LRRTM4: variants seen among roughly 807,000 people sequenced by gnomAD.
LRRTM4 encodes the protein leucine rich repeat transmembrane neuronal 4.
Under a neutral mutation model 47.6 loss-of-function variants are expected in LRRTM4, and 25 were observed. The observed-to-expected ratio is 0.53, with a 90% CI of 0.38 to 0.73. The LOEUF (loss-of-function observed/expected upper bound fraction) is 0.73, where lower values mean the gene tolerates loss of function less well. LRRTM4 is among the 30% of genes least tolerant of loss of function. LRRTM4 has a pLI of 0.00. For synonymous variants in LRRTM4, 311 were observed against 269.5 expected (o/e 1.15, Z -1.51); for missense variants, 638 against 713.4 (o/e 0.89, Z 1.20).
intron 3 of LRRTM4, among the ~76,000 whole-genome samples, chr2:77,238,527 T>A (rs1453964851): frequency 3.3e-5 from 5 of 149,342 alleles, no homozygotes; most frequent in Non-Finnish European, 2.9e-5. Flanking sequence ...CCCTCTTTCC[T>A]CAAACCACAC....
intron 3 of LRRTM4, among the ~76,000 whole-genome samples, chr2:76,964,728 CAATT>C (rs1328865961): frequency 2.0e-5 from 3 of 147,542 alleles, no homozygotes; most frequent in South Asian, 2.1e-4. Flanking sequence ...AGAACAGAAA[CAATT>C]AAAACTGGAA....
intron 3 of LRRTM4, among the ~76,000 whole-genome samples, chr2:76,886,568 ATATTT>A (rs1397338073): frequency 1.4e-4 from 21 of 152,224 alleles, no homozygotes; most frequent in African/African-American, 4.1e-4. Context: ...TAAAGATGAC[ATATTT>A]TATTACCTGG....
intron 3 of LRRTM4, among the ~76,000 whole-genome samples, chr2:77,453,199 TGAGATA>T (rs1221365657): frequency 7.0e-6 from 1 of 143,378 alleles, no homozygotes; most frequent in African/African-American, 2.7e-5. Context: ...TTTTTTTTTT[TGAGATA>T]GAGTCTCGCT....
At chr2:76,767,555 C>T (rs1673504937) in intron 3 of LRRTM4, among the ~76,000 whole-genome samples, 1 of 151,036 alleles carries the variant, frequency 6.6e-6, no homozygotes, top group Admixed American at 6.6e-5. Context: ...AGAAATAAAC[C>T]ACTCTATAAT....
chr2:77,427,462 C>A (rs1558738667), intron 3 of LRRTM4, among the ~76,000 whole-genome samples: 2 of 152,126 alleles, frequency 1.3e-5, no homozygotes, highest in Non-Finnish European at 2.9e-5. Flanking sequence ...CCTATAAGGA[C>A]ATGTTTGCTA....
rs185569523 is a variant in LRRTM4, at chr2:77,071,944, A to C, written c.1552-323028T>G. Among the ~76,000 whole-genome samples the C allele has an allele frequency of 2.7e-3, 415 of 152,280 alleles. 1 individual carries two copies. The highest frequency in any genetic ancestry group is 5.0e-3 in the Admixed American group (76 of 15,292). ...ATCGGGCTAGTGGGTGGTATAAAGT[A>C]TGAGAATTAATAATATTTTTTGACT... On this transcript the variant is annotated intron_variant, in intron 3 of 3. Coordinates refer to ENST00000409884, the MANE Select transcript of LRRTM4 (RefSeq NM_001134745.3).
At chr2:76,887,480 G>C (rs752535606) in intron 3 of LRRTM4, among the ~76,000 whole-genome samples, 21 of 149,754 alleles carry the variant, frequency 1.4e-4, no homozygotes, top group Non-Finnish European at 2.8e-4. Flanking sequence ...AACATTTAGT[G>C]CCTTTATTTT....
intron 3 of LRRTM4, among the ~76,000 whole-genome samples, chr2:76,912,603 C>T (rs1282072682): frequency 1.3e-5 from 2 of 152,100 alleles, no homozygotes; most frequent in Non-Finnish European, 1.5e-5. Context: ...AAATTGATAT[C>T]GTAGGGCCTG....
intron 3 of LRRTM4, among the ~76,000 whole-genome samples, chr2:77,457,261 T>C (rs1466422364): frequency 2.6e-5 from 4 of 151,894 alleles, no homozygotes; most frequent in Non-Finnish European, 5.9e-5. Flanking sequence ...CAAAATCTGT[T>C]TTTCTCTCAG....
intron 3 of LRRTM4, among the ~76,000 whole-genome samples, chr2:77,005,222 G>T (rs1007153687): frequency 3.3e-5 from 5 of 152,136 alleles, no homozygotes; most frequent in Admixed American, 3.3e-4. Flanking sequence ...TCAGCTCACT[G>T]CAACCTCTGC....
intron 3 of LRRTM4, among the ~76,000 whole-genome samples, chr2:77,010,408 C>G (rs929203916): frequency 2.0e-5 from 3 of 151,494 alleles, no homozygotes; most frequent in Non-Finnish European, 2.9e-5. Context: ...TGCCTGGCTT[C>G]TTTCACTTAG....
At chr2:77,423,615 C>G (rs1674989190) in intron 3 of LRRTM4, among the ~76,000 whole-genome samples, 1 of 152,132 alleles carries the variant, frequency 6.6e-6, no homozygotes, top group Non-Finnish European at 1.5e-5. Context: ...AGCACCATAT[C>G]TGAGGGCCAG....
chr2:76,920,926 G>A (rs114302630), intron 3 of LRRTM4, among the ~76,000 whole-genome samples: 1,815 of 151,970 alleles, frequency 0.012, 35 homozygotes, highest in African/African-American at 0.041. Flanking sequence ...TTAGATTAAC[G>A]GAAATTTGCA....
At chr2:77,276,687 A>G (rs1485639761) in intron 3 of LRRTM4, among the ~76,000 whole-genome samples, 2 of 4,328 alleles carry the variant, frequency 4.6e-4, no homozygotes, top group Non-Finnish European at 9.2e-4. Flanking sequence ...TTGTGTACGC[A>G]TATATATATA....
At chr2:77,265,554 C>A (rs1386840926) in intron 3 of LRRTM4, among the ~76,000 whole-genome samples, 1 of 151,874 alleles carries the variant, frequency 6.6e-6, no homozygotes, top group Non-Finnish European at 1.5e-5. Flanking sequence ...GAACCATGAG[C>A]CAAATAAATT....
chr2:77,238,091 A>G (rs760137350), intron 3 of LRRTM4, among the ~76,000 whole-genome samples: 1 of 152,166 alleles, frequency 6.6e-6, no homozygotes, highest in Non-Finnish European at 1.5e-5. Flanking sequence ...ACCATAGTTA[A>G]TTAAATGGCA....
At chr2:77,381,271 T>A (rs1476688266) in intron 3 of LRRTM4, among the ~76,000 whole-genome samples, 1 of 152,022 alleles carries the variant, frequency 6.6e-6, no homozygotes, top group East Asian at 1.9e-4. Flanking sequence ...TTATAAGAGA[T>A]TACAGAAGTC....
intron 3 of LRRTM4, among the ~76,000 whole-genome samples, chr2:77,452,940 C>A (rs1676317715): frequency 6.6e-6 from 1 of 151,988 alleles, no homozygotes; most frequent in Non-Finnish European, 1.5e-5. Context: ...TTGCCTCAAC[C>A]AAATTTGTTG....
At chr2:77,456,745 C>G (rs1003917578) in intron 3 of LRRTM4, among the ~76,000 whole-genome samples, 2 of 151,836 alleles carry the variant, frequency 1.3e-5, no homozygotes, top group Admixed American at 6.6e-5. Context: ...CTTGCCATAT[C>G]CATGGTGTGT....
Sources: gnomAD v4.1 joint callset for allele counts (sites outside exome capture counted in the v4.1 genomes callset) on GRCh38, gnomAD v4.1.1 for gene constraint, MANE v1.5 for transcripts, NCBI Gene and HGNC (gene_info 2026-07-23, HGNC 2026-07-21) for gene names.